The following ADGRG7 variants were observed in gnomAD, a reference collection of about 807,000 sequenced individuals.
ADGRG7 encodes the protein G-protein coupled receptor 128.
ADGRG7 carries 82 observed loss-of-function variants against 88.6 expected under a neutral mutation model. The observed-to-expected ratio is 0.93, with a 90% CI of 0.77 to 1.11. The LOEUF (loss-of-function observed/expected upper bound fraction) is 1.11, where lower values mean the gene tolerates loss of function less well. ADGRG7 is among the 50% of genes most tolerant of loss of function. The probability of loss-of-function intolerance (pLI) is 0.00; values close to 1 mark genes in which losing one functional copy is unlikely to be tolerated. For missense variants in ADGRG7, 945 were observed against 953.4 expected (o/e 0.99, Z 0.12); for synonymous variants, 381 against 345.2 (o/e 1.10, Z -1.15).
chr3:100,620,946 T>C (rs1707303109), intron 1 of ADGRG7, among the ~76,000 whole-genome samples: 2 of 152,186 alleles, frequency 1.3e-5, no homozygotes, highest in African/African-American at 4.8e-5. Flanking sequence ...AGTCACATTT[T>C]GGTAATTCTC....
chr3:100,689,085 G>A (rs1384983362), intron 15 of ADGRG7, among the ~76,000 whole-genome samples: 4 of 152,198 alleles, frequency 2.6e-5, no homozygotes, highest in African/African-American at 9.7e-5. Context: ...TATATATTTA[G>A]TATAGTTAGC....
chr3:100,632,781 G>C (rs778304620), intron 3 of ADGRG7, among the ~76,000 whole-genome samples: 2 of 152,170 alleles, frequency 1.3e-5, no homozygotes, highest in Non-Finnish European at 2.9e-5. Flanking sequence ...GGAAGGCAGT[G>C]AGGTAGGGAG....
At chr3:100,613,413 T>C (rs1475565061) in intron 1 of ADGRG7, among the ~76,000 whole-genome samples, 3 of 152,214 alleles carry the variant, frequency 2.0e-5, no homozygotes, top group African/African-American at 7.2e-5. Context: ...TAGAGTTTTC[T>C]GGAGAGAGAA....
At chr3:100,625,861 G>T (rs1248459151) in intron 1 of ADGRG7, among the ~76,000 whole-genome samples, 1 of 152,196 alleles carries the variant, frequency 6.6e-6, no homozygotes, top group Non-Finnish European at 1.5e-5. Flanking sequence ...AACCAGCATT[G>T]CATCCTAGGG....
chr3:100,626,814 T>G (rs1021832414), intron 1 of ADGRG7, among the ~76,000 whole-genome samples: 1 of 152,174 alleles, frequency 6.6e-6, no homozygotes, highest in African/African-American at 2.4e-5. Flanking sequence ...AACAATGAGA[T>G]CTTGTTAAGT....
intron 14 of ADGRG7, among the ~76,000 whole-genome samples, chr3:100,664,345 C>T (rs571805221): frequency 2.0e-4 from 30 of 152,126 alleles, no homozygotes; most frequent in Admixed American, 2.6e-4. Flanking sequence ...TTAGAAATGA[C>T]GTAAAAGGAA....
Position 100,609,904 on chromosome 3 carries a change from G to C in ADGRG7, c.48G>C (p.Val16=), listed in dbSNP as rs1559666289. The C allele has an allele frequency of 2.5e-6, 4 of 1,614,060 alleles. No individual in the cohort carries two copies. The highest frequency in any genetic ancestry group is 2.5e-6 in the Non-Finnish European group (3 of 1,179,920). Residue 16 remains valine (V), a synonymous_variant, in exon 1 of 16, where the codon GTG becomes GTC. Transcript: ENST00000273352. ...AWNLRVLVAV[V]CGLLTGIILG... ...ACCTTAGGGTGCTGGTGGCTGTCGT[G>C]TGTGGACTACTGACTGGCATCATTT...
At chr3:100,629,447 AT>A in intron 1 of ADGRG7, 150 bp from the exon 2 acceptor site, 3 of 541,106 alleles carry the variant, frequency 5.5e-6, no homozygotes, top group South Asian at 2.4e-5. Context: ...TTCTCAGTGT[AT>A]ATTTTATTAA....
At chr3:100,620,147 C>T (rs1178377714) in intron 1 of ADGRG7, among the ~76,000 whole-genome samples, 1 of 152,116 alleles carries the variant, frequency 6.6e-6, no homozygotes, top group Non-Finnish European at 1.5e-5. Flanking sequence ...AACATCGATG[C>T]AAAAATCCTC....
chr3:100,648,502 A>G, intron 10 of ADGRG7, among the ~76,000 whole-genome samples: 1 of 152,176 alleles, frequency 6.6e-6, no homozygotes, highest in East Asian at 1.9e-4. Context: ...CAGGCATTGC[A>G]TAAAGCATGA....
At chr3:100,624,448 T>C (rs774124671) in intron 1 of ADGRG7, among the ~76,000 whole-genome samples, 30 of 152,166 alleles carry the variant, frequency 2.0e-4, no homozygotes, top group Admixed American at 1.9e-3. Flanking sequence ...ACCTTTGCAA[T>C]GAAGAGATTG....
At chr3:100,633,584 G>A (rs991258425) in intron 4 of ADGRG7, among the ~76,000 whole-genome samples, 1 of 152,132 alleles carries the variant, frequency 6.6e-6, no homozygotes, top group Non-Finnish European at 1.5e-5. Context: ...CAGTGCAATG[G>A]CACCGTCTCG....
intron 15 of ADGRG7, among the ~76,000 whole-genome samples, chr3:100,693,228 A>G (rs1238787308): frequency 6.6e-6 from 1 of 152,148 alleles, no homozygotes; most frequent in Non-Finnish European, 1.5e-5. Flanking sequence ...ATCTTAGTTT[A>G]CTTTAGAATT....
rs749249076 is a variant in ADGRG7, at chr3:100,694,901, C to T, written c.2294C>T (p.Ser765Leu). Residue 765 changes from serine to leucine, a missense_variant, in exon 16 of 16, where the codon TCA (serine) becomes TTA (leucine). Ser to Leu is a moderately radical substitution (Grantham distance 145). Transcript: ENST00000273352. The part of the protein sequence containing the change: ...LRVKMYNFLR[S>L]LPTLHERFRL... ...GTAAAGATGTATAATTTCCTCAGGT[C>T]ATTGCCAACCTTACATGAACGCTTT... 1 of 1,614,180 alleles carries T rather than the reference C, an allele frequency of 6.2e-7. No individual in the cohort carries two copies. The highest frequency in any genetic ancestry group is 1.7e-5 in the Admixed American group (1 of 60,020).
chr3:100,689,504 G>A, intron 15 of ADGRG7, among the ~76,000 whole-genome samples: 1 of 152,180 alleles, frequency 6.6e-6, no homozygotes. Flanking sequence ...TTTTTGCAGT[G>A]GCTGGTACCG....
intron 6 of ADGRG7, 66 bp downstream of exon 6, chr3:100,637,468 A>G: frequency 1.0e-6 from 1 of 1,003,100 alleles, no homozygotes; most frequent in Non-Finnish European, 1.6e-6. Flanking sequence ...AGGCTAAAGT[A>G]TTAACAGAGA....
At chr3:100,671,654 G>A (rs947582407) in intron 15 of ADGRG7, among the ~76,000 whole-genome samples, 6 of 152,190 alleles carry the variant, frequency 3.9e-5, no homozygotes, top group Admixed American at 3.9e-4. Context: ...GAATGGTATT[G>A]CCTAGGTTTT....
intron 15 of ADGRG7, among the ~76,000 whole-genome samples, chr3:100,687,952 G>A (rs1037401806): frequency 2.6e-5 from 4 of 152,098 alleles, no homozygotes; most frequent in Non-Finnish European, 5.9e-5. Context: ...AGAAGGAATG[G>A]TACCAGCTCC....
Position 100,666,182 on chromosome 3 carries a change from G to T in ADGRG7, c.1980-2767G>T, listed in dbSNP as rs149623013. Reference sequence around the variant, plus strand: ...CCCTCCACACCTGTGGGTGTTTCTCGTAAGGTGGAATGAGAGACTTGGAGA... The same window carrying T: ...CCCTCCACACCTGTGGGTGTTTCTCTTAAGGTGGAATGAGAGACTTGGAGA... On this transcript the variant is annotated intron_variant, in intron 14 of 15. Coordinates refer to ENST00000273352, the MANE Select transcript of ADGRG7 (RefSeq NM_032787.3). 7.1e-3 allele frequency among the ~76,000 whole-genome samples: 1,077 copies of T among 152,006 alleles called. 15 individuals are homozygous for T. Among genetic ancestry groups the T allele is most frequent in the African/African-American group, 0.025 (1,023 of 41,416 alleles).
Sources: allele counts gnomAD v4.1 joint callset (sites outside exome capture counted in the v4.1 genomes callset), GRCh38; gene constraint gnomAD v4.1.1; transcripts MANE v1.5; gene names NCBI Gene and HGNC (gene_info 2026-07-23, HGNC 2026-07-21).